Variants in CEP170 observed in about 807,000 individuals in gnomAD.
CEP170 encodes the protein centrosomal protein of 170 kDa.
CEP170 carries 21 observed loss-of-function variants against 151.9 expected under a neutral mutation model. That is an observed-to-expected ratio of 0.14 (90% CI 0.10 to 0.20). The LOEUF is 0.20. Ranked by LOEUF, CEP170 falls within the 10% of genes least tolerant of loss-of-function variation. The pLI is 1.00. For missense variants in CEP170, 964 were observed against 1,892.9 expected (o/e 0.51, Z 9.11); for synonymous variants, 356 against 648.8 (o/e 0.55, Z 6.86).
chr1:243,214,220 T>C (rs186084058), intron 3 of CEP170, among the ~76,000 whole-genome samples: 5 of 152,218 alleles, frequency 3.3e-5, no homozygotes, highest in Non-Finnish European at 5.9e-5. Context: ...ATAATAAGTG[T>C]TTTGCACTTT....
At chr1:243,130,139 T>C (rs920072923) in intron 17 of CEP170, among the ~76,000 whole-genome samples, 2 of 152,082 alleles carry the variant, frequency 1.3e-5, no homozygotes, top group Non-Finnish European at 2.9e-5. Context: ...ATAAAGAAAA[T>C]GCAATTTTAT....
At chr1:243,142,054 G>A (rs1216581347) in intron 15 of CEP170, among the ~76,000 whole-genome samples, 13 of 152,212 alleles carry the variant, frequency 8.5e-5, no homozygotes, top group Admixed American at 7.2e-4. Context: ...TGTTTCAAGT[G>A]AAGCTATGGA....
At chr1:243,205,140 A>T (rs1376351134) in intron 4 of CEP170, among the ~76,000 whole-genome samples, 1 of 152,212 alleles carries the variant, frequency 6.6e-6, no homozygotes, top group Non-Finnish European at 1.5e-5. Flanking sequence ...CAAGAGTCCA[A>T]GCAAATCAAC....
chr1:243,132,129 A>G (rs1234441015), intron 17 of CEP170, among the ~76,000 whole-genome samples: 1 of 152,218 alleles, frequency 6.6e-6, no homozygotes, highest in Non-Finnish European at 1.5e-5. Flanking sequence ...GCATGCCTCT[A>G]GGATGAACCC....
At chr1:243,237,115 G>A (rs2064324608) in intron 1 of CEP170, among the ~76,000 whole-genome samples, 1 of 152,186 alleles carries the variant, frequency 6.6e-6, no homozygotes, top group Admixed American at 6.5e-5. Flanking sequence ...AAGCAAGAAT[G>A]TATTTAGTGA....
chr1:243,209,940 G>A (rs533975556), intron 4 of CEP170, among the ~76,000 whole-genome samples: 278 of 152,128 alleles, frequency 1.8e-3, no homozygotes, highest in African/African-American at 6.7e-3. Context: ...TGATCCGCCT[G>A]CCTCAGCCTC....
rs762297929 is a variant in CEP170 at position 243,191,139 on chromosome 1, G to A, written c.987C>T (p.Pro329=). The stretch of plus-strand genomic sequence containing the variant: ...CTAGCCAGTCAGCAACTTTGTTTTC[G>A]GGTGCCATCATTCCTGTTTGAATCC... ...LLGIQTGMMA[P]ENKVADWLAQ... The change falls in exon 8 of 20, where the codon CCC becomes CCT. Residue 329 remains proline (P), a synonymous_variant. Coordinates refer to ENST00000366542, the MANE Select transcript of CEP170 (RefSeq NM_014812.3). The A allele has an allele frequency of 1.3e-5, 21 of 1,612,956 alleles. No individual in the cohort carries two copies. The highest frequency in any genetic ancestry group is 2.7e-5 in the African/African-American group (2 of 74,798).
chr1:243,181,983 C>A (rs2059645473), intron 10 of CEP170, among the ~76,000 whole-genome samples: 1 of 152,030 alleles, frequency 6.6e-6, no homozygotes, highest in Non-Finnish European at 1.5e-5. Flanking sequence ...TTTGTCCCTG[C>A]CAAAACTCAT....
chr1:243,224,229 A>G (rs1414774147), intron 2 of CEP170, among the ~76,000 whole-genome samples: 1 of 152,210 alleles, frequency 6.6e-6, no homozygotes, highest in Admixed American at 6.5e-5. Flanking sequence ...CGTTTCTGAT[A>G]CTAATGGGAA....
At position 243,194,134 on chromosome 1, in the gene CEP170, C is replaced by A. The variant is rs567624979; in HGVS notation, c.632-2640G>T. On this transcript the variant is annotated intron_variant, in intron 7 of 19. Coordinates refer to ENST00000366542, the MANE Select transcript of CEP170 (RefSeq NM_014812.3). ...CAGATCACATGTAGCAAACCTTGGG[C>A]AGGGTACAAAAGTGAGGATTAAGGA... Among the ~76,000 whole-genome samples the A allele has an allele frequency of 7.7e-3, 1,160 of 151,378 alleles. 13 individuals carry two copies. The highest frequency in any genetic ancestry group is 0.026 in the African/African-American group (1,087 of 41,276).
chr1:243,135,351 C>T (rs12124466), intron 17 of CEP170, among the ~76,000 whole-genome samples: 16,376 of 151,960 alleles, frequency 0.11, 1,072 homozygotes, highest in Non-Finnish European at 0.13. Flanking sequence ...GGACTACAGG[C>T]GCCCGCCACC....
At chr1:243,231,186 TCA>T (rs1558660307) in intron 1 of CEP170, among the ~76,000 whole-genome samples, 3,009 of 130,000 alleles carry the variant, frequency 0.023, 104 homozygotes, top group African/African-American at 0.069. Flanking sequence ...ATCATCATCA[TCA>T]TCATTATTAT....
chr1:243,163,403 A>T (rs1444143100), intron 13 of CEP170: 1 of 152,234 alleles, frequency 6.6e-6, no homozygotes, highest in Non-Finnish European at 1.5e-5. Flanking sequence ...TGCATATAGG[A>T]CACAAACAAA....
intron 8 of CEP170, among the ~76,000 whole-genome samples, chr1:243,186,669 T>A (rs2059956759): frequency 6.6e-6 from 1 of 152,220 alleles, no homozygotes; most frequent in Non-Finnish European, 1.5e-5. Flanking sequence ...TTTAACTTTA[T>A]AATGTTTCAT....
At chr1:243,221,602 C>T in intron 3 of CEP170, 122 bp downstream of exon 3, 2 of 961,242 alleles carry the variant, frequency 2.1e-6, no homozygotes. Flanking sequence ...ACCTGATAAG[C>T]ATTTGAAAAT....
At chr1:243,233,544 T>TA (rs2063955914) in intron 1 of CEP170, among the ~76,000 whole-genome samples, 1 of 151,728 alleles carries the variant, frequency 6.6e-6, no homozygotes, top group Non-Finnish European at 1.5e-5. Context: ...CCATCCTGGC[T>TA]AACATGGTGA....
At chr1:243,143,965 T>C (rs1349352548) in intron 14 of CEP170, among the ~76,000 whole-genome samples, 1 of 152,230 alleles carries the variant, frequency 6.6e-6, no homozygotes, top group Non-Finnish European at 1.5e-5. Context: ...AGTTGAAGTT[T>C]ATGGACCAAC....
chr1:243,128,114 T>A (rs1461331794), intron 19 of CEP170, 135 bp downstream of exon 19: 2 of 615,774 alleles, frequency 3.2e-6, no homozygotes, highest in Non-Finnish European at 5.2e-6. Context: ...ATAATGTGAA[T>A]GTTTGAACTC....
chr1:243,138,229 G>A (rs976692411), intron 16 of CEP170, among the ~76,000 whole-genome samples: 12 of 151,970 alleles, frequency 7.9e-5, no homozygotes, highest in African/African-American at 2.9e-4. Context: ...ATTATGTTTG[G>A]AGAAATTTGT....
Sources: gnomAD v4.1 joint callset for allele counts (sites outside exome capture counted in the v4.1 genomes callset) on GRCh38, gnomAD v4.1.1 for gene constraint, MANE v1.5 for transcripts, NCBI Gene and HGNC (gene_info 2026-07-23, HGNC 2026-07-21) for gene names.